PHC3: variants seen among roughly 807,000 people sequenced by gnomAD.
The protein encoded by PHC3 is polyhomeotic homolog 3.
PHC3 carries 13 observed loss-of-function variants against 107.4 expected under a neutral mutation model. The observed-to-expected ratio is 0.12, with a 90% CI of 0.08 to 0.19. PHC3 has a LOEUF of 0.19. Among genes scored for constraint, PHC3 ranks in the 10% least tolerant of loss-of-function variants. The pLI is 1.00. For synonymous variants in PHC3, 456 were observed against 427.4 expected (o/e 1.07, Z -0.83); for missense variants, 992 against 1,210.9 (o/e 0.82, Z 2.68).
chr3:170,135,177 G>C (rs1722868074), intron 7 of PHC3, among the ~76,000 whole-genome samples: 1 of 152,174 alleles, frequency 6.6e-6, no homozygotes, highest in South Asian at 2.1e-4. Flanking sequence ...TTGAGACAGA[G>C]TCTTGCTCTG....
chr3:170,129,101 T>C lies in PHC3; in HGVS notation c.1371A>G (p.Gln457=). The C allele has an allele frequency of 6.2e-7, 1 of 1,612,756 alleles. No individual in the cohort carries two copies. The highest frequency in any genetic ancestry group is 8.5e-7 in the Non-Finnish European group (1 of 1,179,282). The change falls in exon 8 of 15, where the codon CAA becomes CAG. Residue 457 remains glutamine (Q), a synonymous_variant. Coordinates refer to ENST00000495893, the MANE Select transcript of PHC3 (RefSeq NM_024947.4). ...NLQQSTANQV[Q]ATAQLNLPSH... is the part of the protein sequence containing the mutation. The stretch of plus-strand genomic sequence containing the variant: ...ATGGAAGATTCAACTGTGCTGTAGC[T>C]TGCACCTGATTAGCAGTGGACTGCT...
chr3:170,175,540 G>A (rs1730288660), intron 2 of PHC3, among the ~76,000 whole-genome samples: 1 of 151,770 alleles, frequency 6.6e-6, no homozygotes, highest in African/African-American at 2.4e-5. Context: ...GGAGGCTGAA[G>A]CAGGAGGAGC....
At chr3:170,111,901 A>C (rs1238184445) in intron 11 of PHC3, among the ~76,000 whole-genome samples, 1 of 152,176 alleles carries the variant, frequency 6.6e-6, no homozygotes, top group East Asian at 1.9e-4. Context: ...ATATTTGTAA[A>C]GTGAATAAAT....
At chr3:170,125,614 TAAAG>T (rs1721124718) in intron 8 of PHC3, among the ~76,000 whole-genome samples, 1 of 152,142 alleles carries the variant, frequency 6.6e-6, no homozygotes, top group African/African-American at 2.4e-5. Flanking sequence ...AACAAGAGTT[TAAAG>T]AATGAAAAGA....
chr3:170,123,074 T>C (rs1484597885), intron 8 of PHC3, among the ~76,000 whole-genome samples: 2 of 152,182 alleles, frequency 1.3e-5, no homozygotes, highest in African/African-American at 4.8e-5. Context: ...ATTCAACTGT[T>C]TTTGTTAACT....
At chr3:170,126,322 A>G (rs1006159391) in intron 8 of PHC3, among the ~76,000 whole-genome samples, 1 of 151,900 alleles carries the variant, frequency 6.6e-6, no homozygotes, top group Non-Finnish European at 1.5e-5. Flanking sequence ...GAAAGGTAAA[A>G]GATTAAAAAA....
chr3:170,167,080 G>T (rs1178631287), intron 4 of PHC3, among the ~76,000 whole-genome samples: 1 of 152,156 alleles, frequency 6.6e-6, no homozygotes, highest in East Asian at 1.9e-4. Context: ...CCAACAACAG[G>T]TATTGTGTAA....
chr3:170,133,622 T>G (rs1722600810), intron 7 of PHC3, among the ~76,000 whole-genome samples: 1 of 152,232 alleles, frequency 6.6e-6, no homozygotes, highest in South Asian at 2.1e-4. Context: ...TCTGCGTGGT[T>G]TGTTTATAAT....
At chr3:170,181,113 T>C (rs951626358) in intron 1 of PHC3, among the ~76,000 whole-genome samples, 2 of 152,094 alleles carry the variant, frequency 1.3e-5, no homozygotes, top group African/African-American at 4.8e-5. Flanking sequence ...GGGAAAGACC[T>C]TTCTTTCAGG....
intron 4 of PHC3, among the ~76,000 whole-genome samples, chr3:170,166,723 G>A (rs1019653018): frequency 2.6e-5 from 4 of 151,946 alleles, no homozygotes; most frequent in Non-Finnish European, 5.9e-5. Flanking sequence ...AGAGTACAGT[G>A]GCATAATTAT....
intron 4 of PHC3, among the ~76,000 whole-genome samples, chr3:170,158,232 C>T (rs1490178864): frequency 6.6e-6 from 1 of 152,104 alleles, no homozygotes; most frequent in Non-Finnish European, 1.5e-5. Flanking sequence ...AAAGAGTCTT[C>T]AATGCAGTAT....
intron 6 of PHC3, among the ~76,000 whole-genome samples, chr3:170,138,915 A>C (rs76782830): frequency 0.012 from 1,854 of 152,086 alleles, 40 homozygotes; most frequent in African/African-American, 0.042. Flanking sequence ...GCACTTCTTG[A>C]CTAAATGCCA....
intron 11 of PHC3, among the ~76,000 whole-genome samples, chr3:170,111,531 G>A (rs1717776111): frequency 6.6e-6 from 1 of 152,126 alleles, no homozygotes; most frequent in African/African-American, 2.4e-5. Flanking sequence ...AAGCTACTGT[G>A]GCAAAATAAT....
At chr3:170,119,883 G>A (rs1331211938) in intron 9 of PHC3, among the ~76,000 whole-genome samples, 1 of 151,548 alleles carries the variant, frequency 6.6e-6, no homozygotes, top group Non-Finnish European at 1.5e-5. Flanking sequence ...TATTACAGAA[G>A]AGTAATAAGT....
At position 170,149,202 on chromosome 3, in the gene PHC3, G is replaced by A. The variant is rs1460049987; in HGVS notation, c.457C>T (p.Arg153Cys). ...CTGGTAGAACTGGAAGCCTGGGAAC[G>A]GCTTATTAACTGTGCAGGTGTAGGA... Reference protein sequence around the residue: ...TSPTPAQLISRSQASSSTSGS... With the variant: ...TSPTPAQLISCSQASSSTSGS... The change falls in exon 5 of 15, where the codon CGT (arginine) becomes TGT (cysteine). Residue 153 changes from arginine (R) to cysteine (C), a missense_variant. Physicochemically the swap from Arg to Cys is radical, Grantham distance 180. Transcript: ENST00000495893. 6.8e-6 allele frequency: 11 copies of A among 1,613,028 alleles called. No homozygotes were observed. The highest frequency in any genetic ancestry group is 2.7e-5 in the African/African-American group (2 of 74,998).
intron 6 of PHC3, among the ~76,000 whole-genome samples, chr3:170,141,738 G>C (rs1724142826): frequency 6.6e-6 from 1 of 151,858 alleles, no homozygotes; most frequent in African/African-American, 2.4e-5. Flanking sequence ...CAGCCCCCCA[G>C]GTAGCTGGGA....
intron 6 of PHC3, among the ~76,000 whole-genome samples, chr3:170,142,530 C>T (rs1724279777): frequency 6.6e-6 from 1 of 151,756 alleles, no homozygotes. Context: ...TATTACTCAT[C>T]CTTTTACCCT....
intron 11 of PHC3, among the ~76,000 whole-genome samples, chr3:170,110,083 TAACATCAGTCCTTTCCTTTGAG>T (rs1002240821): frequency 4.6e-5 from 7 of 152,218 alleles, no homozygotes; most frequent in South Asian, 2.1e-4. Flanking sequence ...GCTGATATGA[TAACATCAGTCCTTTCCTTTGAG>T]AACATCAGTC....
At position 170,117,398 on chromosome 3, in the gene PHC3, A is replaced by G; in HGVS notation, c.2021T>C (p.Val674Ala). ...KSPSDPSHVS[V>A]PPPPLLLPAA... ...TGGAAGTAACAATGGAGGTGGTGGA[A>G]CAGAAACATGTGAGGGATCTGATGG... The change falls in exon 10 of 15, where the codon GTT (valine) becomes GCT (alanine). Residue 674 changes from valine to alanine, a missense_variant. Physicochemically the swap from Val to Ala is moderately conservative, Grantham distance 64. Coordinates refer to ENST00000495893, the MANE Select transcript of PHC3 (RefSeq NM_024947.4). The G allele has an allele frequency of 1.2e-6, 2 of 1,613,940 alleles. No homozygotes were observed. Among genetic ancestry groups the G allele is most frequent in the Non-Finnish European group, 1.7e-6 (2 of 1,179,852 alleles).
Sources: allele counts gnomAD v4.1 joint callset (sites outside exome capture counted in the v4.1 genomes callset), GRCh38; gene constraint gnomAD v4.1.1; transcripts MANE v1.5; gene names NCBI Gene and HGNC (gene_info 2026-07-23, HGNC 2026-07-21).